TACC1: variants seen among roughly 807,000 people sequenced by gnomAD.
TACC1 encodes transforming acidic coiled-coil-containing protein 1.
Under a neutral mutation model 84.4 loss-of-function variants are expected in TACC1, and 48 were observed. The ratio of observed to expected loss-of-function variants is 0.57; its 90% CI spans 0.45 to 0.72. TACC1 has a LOEUF of 0.72. TACC1 is among the 30% of genes least tolerant of loss of function. The pLI is 0.00. For missense variants in TACC1, 920 were observed against 973.0 expected, an observed-to-expected ratio of 0.95 and a Z score of 0.72; for synonymous variants, 372 against 376.3, an observed-to-expected ratio of 0.99 and a Z score of 0.13.
intron 3 of TACC1, among the ~76,000 whole-genome samples, chr8:38,781,485 G>A (rs752458536): frequency 1.3e-5 from 2 of 151,618 alleles, no homozygotes; most frequent in Non-Finnish European, 2.9e-5. Context: ...GGGTTCAAGC[G>A]ATTCTCTTGT....
At chr8:38,829,820 G>A (rs1828856855) in intron 5 of TACC1, among the ~76,000 whole-genome samples, 1 of 152,176 alleles carries the variant, frequency 6.6e-6, no homozygotes, top group Non-Finnish European at 1.5e-5. Context: ...TAACTGATCA[G>A]CCGCATCACA....
At position 38,841,975 on chromosome 8, in the gene TACC1, A is replaced by G. The variant is rs567585802; in HGVS notation, c.1961-312A>G. 2.0e-5 allele frequency among the ~76,000 whole-genome samples: 3 copies of G among 152,104 alleles called. No individual in the cohort carries two copies. The East Asian group carries it at 5.8e-4, about 29-fold the overall frequency. On this transcript the variant is annotated intron_variant, in intron 9 of 12. Transcript: ENST00000317827. ...GGCCTTACCACAGCTGTTCTTCTCT[A>G]TGGAATATTCTCCCAGGTAGCTGTA... is the stretch of plus-strand genomic sequence containing the variant.
intron 2 of TACC1, among the ~76,000 whole-genome samples, chr8:38,794,088 T>C (rs747223819): frequency 6.6e-6 from 1 of 152,204 alleles, no homozygotes; most frequent in Non-Finnish European, 1.5e-5. Flanking sequence ...TGATGTGGCC[T>C]GGCTATTTGT....
intron 3 of TACC1, among the ~76,000 whole-genome samples, chr8:38,759,929 C>T (rs193184050): frequency 5.3e-5 from 8 of 152,220 alleles, no homozygotes; most frequent in South Asian, 2.1e-4. Context: ...TAATGTTACC[C>T]GGCTACAGAC....
chr8:38,825,808 GA>G (rs1289567864), intron 4 of TACC1, among the ~76,000 whole-genome samples: 1 of 152,172 alleles, frequency 6.6e-6, no homozygotes, highest in Non-Finnish European at 1.5e-5. Flanking sequence ...TTTGATGGTA[GA>G]TTTTTTTGGG....
At position 38,836,237 on chromosome 8, in the gene TACC1, T is replaced by A. The variant is rs772974353; in HGVS notation, c.1789T>A (p.Cys597Ser). Residue 597 changes from cysteine to serine, a missense_variant, in exon 7 of 13, where the codon TGC (cysteine) becomes AGC (serine). This residue lies in a region of TACC1 where 762 missense variants were observed against 747.3 expected (regional missense o/e 1.02). Coordinates refer to ENST00000317827, the MANE Select transcript of TACC1 (RefSeq NM_006283.3). ...CGGESPLDGI[C>S]LSESDKTAVL... The stretch of plus-strand genomic sequence containing the variant: ...AGGTGAGAGCCCCCTGGATGGGATC[T>A]GCCTCAGCGAATCAGACAAGACAGC... The A allele has an allele frequency of 6.2e-7, 1 of 1,612,802 alleles. No individual in the cohort carries two copies. Among genetic ancestry groups the A allele is most frequent in the African/African-American group, 1.3e-5 (1 of 74,930 alleles).
At position 38,820,180 on chromosome 8, in the gene TACC1, G is replaced by A. The variant is rs1826398844; in HGVS notation, c.936G>A (p.Glu312=). The A allele has an allele frequency of 6.2e-7, 1 of 1,614,022 alleles. No individual in the cohort carries two copies. Among genetic ancestry groups the A allele is most frequent in the African/African-American group, 1.3e-5 (1 of 74,902 alleles). ...TNDSGVELGE[E]SRSSPLKLEF... Reference sequence around the variant, plus strand: ...ACTCAGGGGTTGAGCTGGGGGAGGAGTCGAGGAGCTCACCTCTCAAGCTTG... The same window carrying A: ...ACTCAGGGGTTGAGCTGGGGGAGGAATCGAGGAGCTCACCTCTCAAGCTTG... Residue 312 remains glutamate (E), a synonymous_variant, in exon 3 of 13, where the codon GAG becomes GAA. Transcript: ENST00000317827.
At chr8:38,733,264 A>G (rs1160796167) in intron 1 of TACC1, among the ~76,000 whole-genome samples, 2 of 151,958 alleles carry the variant, frequency 1.3e-5, no homozygotes, top group Non-Finnish European at 2.9e-5. Context: ...CCCGCTCTGC[A>G]ATAAATACCC....
At chr8:38,771,398 C>A (rs866024290) in intron 3 of TACC1, among the ~76,000 whole-genome samples, 1 of 152,130 alleles carries the variant, frequency 6.6e-6, no homozygotes. Context: ...AGACACCATA[C>A]GCTCCTGAGG....
At chr8:38,815,977 AAG>A (rs1825350298) in intron 2 of TACC1, among the ~76,000 whole-genome samples, 1 of 151,794 alleles carries the variant, frequency 6.6e-6, no homozygotes, top group African/African-American at 2.4e-5. Context: ...AAAAAAAAAA[AAG>A]AATAAAATTT....
chr8:38,825,276 A>C lies in TACC1; in HGVS notation c.1392-32A>C, dbSNP rs750222295. On this transcript the variant is annotated intron_variant, in intron 3 of 12. Transcript: ENST00000317827. ...CTTGACAATTGTCAGTGTGATTGCA[A>C]ACTGGCTTGTTTGTGTTTCTTCTCT... 3 of 1,613,330 alleles carry C rather than the reference A, an allele frequency of 1.9e-6. No homozygotes were observed. In the African/African-American group the frequency reaches 4.0e-5, roughly 22 times the overall value.
In TACC1 at chr8:38,787,568, G is replaced by A. The variant is rs1817557902; in HGVS notation, c.-15G>A. On this transcript the variant is annotated 5_prime_UTR_variant, in exon 1 of 13. Transcript: ENST00000317827. ...TCCCCTGCCCCTAGGAGCTGGAGCC[G>A]GAGGAGCCGCGCTCATGGCGTTCAG... is the stretch of plus-strand genomic sequence containing the variant. The A allele has an allele frequency of 4.6e-6, 7 of 1,533,234 alleles. No homozygotes were observed. Among genetic ancestry groups the A allele is most frequent in the Non-Finnish European group, 6.1e-6 (7 of 1,139,720 alleles). 95.0% of individuals were successfully genotyped at this position (1,533,234 alleles called of 1,614,324 possible).
intron 1 of TACC1, chr8:38,788,113 C>T (rs62505820): frequency 2.7e-5 from 6 of 223,802 alleles, no homozygotes; most frequent in Admixed American, 5.7e-5. Context: ...AGAAGTCGCT[C>T]CCCGGCCCTT....
At chr8:38,797,037 G>A (rs572028162) in intron 2 of TACC1, among the ~76,000 whole-genome samples, 106 of 152,340 alleles carry the variant, frequency 7.0e-4, no homozygotes, top group African/African-American at 2.4e-3. Context: ...CTCCTAAGGC[G>A]GCTTACTCAT....
At chr8:38,797,870 G>A (rs1415027793) in intron 2 of TACC1, among the ~76,000 whole-genome samples, 6 of 152,268 alleles carry the variant, frequency 3.9e-5, no homozygotes, top group African/African-American at 1.4e-4. Context: ...TTTGTGGGGA[G>A]GGCCTTCTAT....
intron 3 of TACC1, among the ~76,000 whole-genome samples, chr8:38,751,980 C>T (rs917267947): frequency 4.6e-5 from 7 of 152,228 alleles, no homozygotes; most frequent in Admixed American, 1.3e-4. Flanking sequence ...CTATGAGGCC[C>T]GAATGTGGTT....
chr8:38,815,508 C>T (rs1433587088), intron 2 of TACC1, among the ~76,000 whole-genome samples: 1 of 152,066 alleles, frequency 6.6e-6, no homozygotes, highest in Non-Finnish European at 1.5e-5. Context: ...CAACCTCTGC[C>T]TCCCAGGTTC....
intron 2 of TACC1, among the ~76,000 whole-genome samples, chr8:38,817,263 G>T (rs898958013): frequency 1.1e-4 from 17 of 152,260 alleles, no homozygotes; most frequent in African/African-American, 3.6e-4. Flanking sequence ...GCAGCCTTAG[G>T]GTGCTGATGG....
chr8:38,762,818 A>G (rs968254139), intron 3 of TACC1, among the ~76,000 whole-genome samples: 3 of 152,056 alleles, frequency 2.0e-5, no homozygotes, highest in Non-Finnish European at 2.9e-5. Context: ...CGGCCTCCCA[A>G]AGTGCTGGGA....
Sources: allele counts gnomAD v4.1 joint callset (sites outside exome capture counted in the v4.1 genomes callset), GRCh38; gene constraint gnomAD v4.1.1; regional missense constraint gnomAD v4.1.1; transcripts MANE v1.5; gene names NCBI Gene and HGNC (gene_info 2026-07-23, HGNC 2026-07-21).